ARID4B: variants seen among roughly 807,000 people sequenced by gnomAD.
ARID4B encodes AT-rich interactive domain-containing protein 4B.
Under a neutral mutation model 147.5 loss-of-function variants are expected in ARID4B, and 26 were observed. The observed-to-expected ratio is 0.18, with a 90% CI of 0.13 to 0.24. ARID4B has a LOEUF of 0.24. Ranked by LOEUF, ARID4B falls within the 10% of genes least tolerant of loss-of-function variation. The pLI, the probability that ARID4B is intolerant of heterozygous loss-of-function variation, is 1.00. For missense variants in ARID4B, 1,179 were observed against 1,511.5 expected (o/e 0.78, Z 3.65); for synonymous variants, 512 against 507.9 (o/e 1.01, Z -0.11).
At chr1:235,296,964 C>T (rs1672784982) in intron 2 of ARID4B, among the ~76,000 whole-genome samples, 2 of 151,942 alleles carry the variant, frequency 1.3e-5, no homozygotes, top group Non-Finnish European at 2.9e-5. Flanking sequence ...TCTCTAAAAA[C>T]CATTTCCCAC....
chr1:235,222,678 C>CTTTTTT (rs35090143), intron 13 of ARID4B, among the ~76,000 whole-genome samples: 2 of 130,764 alleles, frequency 1.5e-5, no homozygotes, highest in South Asian at 2.4e-4. Context: ...GAAAAAAAAT[C>CTTTTTT]TTTTTTTTTT....
At chr1:235,212,896 C>T (rs1283921397) in intron 17 of ARID4B, among the ~76,000 whole-genome samples, 1 of 152,116 alleles carries the variant, frequency 6.6e-6, no homozygotes, top group Non-Finnish European at 1.5e-5. Flanking sequence ...CTGTATTCCT[C>T]CTTGAAGACA....
At chr1:235,307,779 T>C (rs772075716) in intron 2 of ARID4B, among the ~76,000 whole-genome samples, 74 of 152,226 alleles carry the variant, frequency 4.9e-4, no homozygotes, top group Non-Finnish European at 9.1e-4. Flanking sequence ...TACTTTAAAA[T>C]ATTAACTCTT....
Position 235,181,596 on chromosome 1 carries a change from T to C in ARID4B, c.3323A>G (p.His1108Arg). The C allele has an allele frequency of 6.2e-7, 1 of 1,611,566 alleles. No individual in the cohort carries two copies. Among genetic ancestry groups the C allele is most frequent in the Non-Finnish European group, 8.5e-7 (1 of 1,179,584 alleles). The change falls in exon 20 of 24, where the codon CAT (histidine) becomes CGT (arginine). Residue 1108 changes from histidine (H) to arginine (R), a missense_variant. Physicochemically the swap from His to Arg is conservative, Grantham distance 29 (BLOSUM62 0). This residue lies in a region of ARID4B where 357 missense variants were observed against 427.3 expected (regional missense o/e 0.84). Coordinates refer to ENST00000264183, the MANE Select transcript of ARID4B (RefSeq NM_016374.6). ...SSSSNQPEPE[H>R]PEKACTGQKR... ...ATTTTCCTTCTCACCTTTTTCAGGA[T>C]GTTCTGGTTCTGGCTGATTACTACT...
chr1:235,188,195 T>C (rs1011806027), intron 19 of ARID4B, among the ~76,000 whole-genome samples: 11 of 152,088 alleles, frequency 7.2e-5, no homozygotes, highest in African/African-American at 2.4e-4. Context: ...ATAAATGCAA[T>C]TTCTGAAATA....
Position 235,181,865 on chromosome 1 carries a change from T to C in ARID4B, c.3054A>G (p.Ser1018=). 6.2e-7 allele frequency: 1 copy of C among 1,614,226 alleles called. No individual in the cohort carries two copies. The highest frequency in any genetic ancestry group is 8.5e-7 in the Non-Finnish European group (1 of 1,180,038). ...KAEFPSSGSN[S]VLNTPPTTPE... ...GTGTAGTAGGAGGGGTATTTAGCACTGAATTACTGCCACTACTTGGAAATT... is the reference window on the plus strand; with the variant it reads ...GTGTAGTAGGAGGGGTATTTAGCACCGAATTACTGCCACTACTTGGAAATT... The change falls in exon 20 of 24, where the codon TCA becomes TCG. Residue 1018 remains serine, a synonymous_variant. Coordinates refer to ENST00000264183, the MANE Select transcript of ARID4B (RefSeq NM_016374.6).
intron 2 of ARID4B, among the ~76,000 whole-genome samples, chr1:235,262,439 C>A (rs529564674): frequency 1.3e-5 from 2 of 152,188 alleles, no homozygotes; most frequent in Admixed American, 1.3e-4. Flanking sequence ...TATACCCTTA[C>A]AGAAAGATAA....
intron 2 of ARID4B, among the ~76,000 whole-genome samples, chr1:235,323,096 A>G (rs549597347): frequency 1.4e-5 from 2 of 147,880 alleles, no homozygotes; most frequent in Admixed American, 1.4e-4. Context: ...GCTGGAGTGC[A>G]GTGGTGCCAT....
intron 12 of ARID4B, among the ~76,000 whole-genome samples, chr1:235,223,969 A>G (rs1476704010): frequency 6.6e-6 from 1 of 152,200 alleles, no homozygotes; most frequent in Non-Finnish European, 1.5e-5. Context: ...TACAAGAATC[A>G]AAGACATTTT....
intron 2 of ARID4B, among the ~76,000 whole-genome samples, chr1:235,289,725 CAAAA>C (rs35163064): frequency 1.1e-5 from 1 of 92,944 alleles, no homozygotes; most frequent in Non-Finnish European, 2.1e-5. Context: ...GATTCTGCCT[CAAAA>C]AAAAAAAAAA....
intron 12 of ARID4B, among the ~76,000 whole-genome samples, 191 bp from the exon 13 acceptor site, chr1:235,223,451 A>G (rs1249406490): frequency 6.8e-6 from 1 of 147,414 alleles, no homozygotes; most frequent in Non-Finnish European, 1.5e-5. Flanking sequence ...TTATCTTGTT[A>G]ATCAAAGACA....
At chr1:235,205,868 A>C (rs181694158) in intron 17 of ARID4B, among the ~76,000 whole-genome samples, 67 of 152,332 alleles carry the variant, frequency 4.4e-4, no homozygotes, top group African/African-American at 1.5e-3. Flanking sequence ...ACAAGTGTTG[A>C]CAAGGCTGCA....
intron 17 of ARID4B, among the ~76,000 whole-genome samples, chr1:235,203,423 G>A (rs1354039784): frequency 6.6e-6 from 1 of 152,000 alleles, no homozygotes; most frequent in Non-Finnish European, 1.5e-5. Flanking sequence ...AGTCTTAAGA[G>A]ATTTAAAAAT....
At chr1:235,320,355 C>A (rs909543672) in intron 2 of ARID4B, among the ~76,000 whole-genome samples, 1 of 152,056 alleles carries the variant, frequency 6.6e-6, no homozygotes, top group Admixed American at 6.6e-5. Flanking sequence ...GTGCAAGTTG[C>A]AGTAAGTAGA....
chr1:235,213,626 A>T, intron 17 of ARID4B, 143 bp downstream of exon 17: 1 of 846,804 alleles, frequency 1.2e-6, no homozygotes, highest in Non-Finnish European at 1.7e-6. Flanking sequence ...TGAGGTATTT[A>T]CATGCTAAAA....
At position 235,260,882 on chromosome 1, in the gene ARID4B, A is replaced by C; in HGVS notation, c.7-130T>G. 14 of 596,216 alleles carry C rather than the reference A, an allele frequency of 2.3e-5. No individual in the cohort carries two copies. The South Asian group carries it at 3.2e-4, about 14-fold the overall frequency. The allele number at this position is 596,216 out of a possible 1,614,324, so 36.9% of individuals were successfully genotyped here. A position where few individuals can be genotyped will look rare whatever the true frequency, so the allele number is the denominator to read the frequency against. On this transcript the variant is annotated intron_variant, in intron 2 of 23. Coordinates refer to ENST00000264183, the MANE Select transcript of ARID4B (RefSeq NM_016374.6). Reference sequence around the variant, plus strand: ...ATATGAAATGTATGTTAACAAGACCAATCTATAAAATACTATAAATTAAAA... The same window carrying C: ...ATATGAAATGTATGTTAACAAGACCCATCTATAAAATACTATAAATTAAAA...
At chr1:235,312,062 G>A (rs1181967867) in intron 2 of ARID4B, among the ~76,000 whole-genome samples, 3 of 152,074 alleles carry the variant, frequency 2.0e-5, no homozygotes, top group Non-Finnish European at 2.9e-5. Flanking sequence ...GGCCGAGGCA[G>A]GCAAATCACG....
intron 23 of ARID4B, among the ~76,000 whole-genome samples, chr1:235,169,488 A>G (rs1168488230): frequency 6.7e-6 from 1 of 149,860 alleles, no homozygotes; most frequent in Non-Finnish European, 1.5e-5. Context: ...TGATCCGCCC[A>G]TCTCAGCCTC....
intron 2 of ARID4B, among the ~76,000 whole-genome samples, chr1:235,300,756 C>G (rs1027171065): frequency 6.6e-6 from 1 of 152,054 alleles, no homozygotes; most frequent in African/African-American, 2.4e-5. Flanking sequence ...TGTAGCCAGG[C>G]TGAAGTGCAG....
Sources: allele counts gnomAD v4.1 joint callset (sites outside exome capture counted in the v4.1 genomes callset), GRCh38; gene constraint gnomAD v4.1.1; regional missense constraint gnomAD v4.1.1; transcripts MANE v1.5; gene names NCBI Gene and HGNC (gene_info 2026-07-23, HGNC 2026-07-21).